GADL1: variants seen among roughly 807,000 people sequenced by gnomAD.
GADL1 encodes GAD like acidic amino acid decarboxylase 1.
In GADL1, 71 loss-of-function variants were observed where a neutral mutation model predicts 69.5. The ratio of observed to expected loss-of-function variants is 1.02; its 90% CI spans 0.84 to 1.25. The LOEUF (loss-of-function observed/expected upper bound fraction) is 1.25, where lower values mean the gene tolerates loss of function less well. Among genes scored for constraint, GADL1 ranks in the 50% most tolerant of loss-of-function variants. The pLI is 0.00. For missense variants in GADL1, 737 were observed against 631.8 expected (o/e 1.17, Z -1.79); for synonymous variants, 254 against 214.4 (o/e 1.18, Z -1.62).
At chr3:30,857,341 G>A (rs1238085930) in intron 2 of GADL1, among the ~76,000 whole-genome samples, 200 bp from the exon 3 acceptor site, 1 of 151,964 alleles carries the variant, frequency 6.6e-6, no homozygotes, top group East Asian at 1.9e-4. Context: ...AGATTTGCAA[G>A]GTAAAGGGAG....
chr3:30,839,164 G>T (rs746836424), intron 8 of GADL1, 51 bp from the exon 9 acceptor site: 1 of 1,213,198 alleles, frequency 8.2e-7, no homozygotes, highest in Non-Finnish European at 1.1e-6. Flanking sequence ...CACTAAATTT[G>T]TCCTGTAATA....
chr3:30,852,965 C>T (rs958610063), intron 4 of GADL1, among the ~76,000 whole-genome samples: 4 of 152,116 alleles, frequency 2.6e-5, no homozygotes, highest in Non-Finnish European at 5.9e-5. Context: ...TCAAAACCTC[C>T]CTAAAGTTGC....
At chr3:30,752,378 C>T (rs1273671609) in intron 14 of GADL1, among the ~76,000 whole-genome samples, 2 of 151,760 alleles carry the variant, frequency 1.3e-5, no homozygotes, top group Non-Finnish European at 2.9e-5. Context: ...AAGTGGTGCA[C>T]CTTGCATGGA....
chr3:30,743,992 G>C (rs1170387814), intron 14 of GADL1, among the ~76,000 whole-genome samples: 1 of 152,170 alleles, frequency 6.6e-6, no homozygotes, highest in Non-Finnish European at 1.5e-5. Flanking sequence ...GAGCAGAGCT[G>C]TGACTGACCC....
chr3:30,783,648 AAAG>A (rs140359959), intron 13 of GADL1, among the ~76,000 whole-genome samples: 55,174 of 151,904 alleles, frequency 0.36, 12,293 homozygotes, highest in Non-Finnish European at 0.49. Flanking sequence ...AGTGTAATAA[AAAG>A]AAAAGCGGCA....
chr3:30,818,243 T>G (rs1315682408), intron 11 of GADL1, among the ~76,000 whole-genome samples: 1 of 152,220 alleles, frequency 6.6e-6, no homozygotes, highest in Non-Finnish European at 1.5e-5. Context: ...TGGGCAGAGA[T>G]GTAAACATTA....
chr3:30,869,378 G>T (rs1267337804), intron 1 of GADL1, among the ~76,000 whole-genome samples: 3 of 151,730 alleles, frequency 2.0e-5, no homozygotes, highest in African/African-American at 7.3e-5. Flanking sequence ...AACCTACAAA[G>T]AAGATGACTA....
intron 11 of GADL1, among the ~76,000 whole-genome samples, chr3:30,815,302 A>AGGC (rs780081402): frequency 2.0e-5 from 3 of 152,186 alleles, no homozygotes; most frequent in Non-Finnish European, 2.9e-5. Flanking sequence ...ACAAAAAGGA[A>AGGC]GGCAGGGAGG....
chr3:30,836,849 T>C (rs1178254962), intron 9 of GADL1, among the ~76,000 whole-genome samples: 1 of 152,094 alleles, frequency 6.6e-6, no homozygotes, highest in East Asian at 1.9e-4. Flanking sequence ...GAAACTAGCA[T>C]AACAATTGCC....
At chr3:30,740,942 A>G (rs1695608463) in intron 14 of GADL1, among the ~76,000 whole-genome samples, 1 of 140,830 alleles carries the variant, frequency 7.1e-6, no homozygotes, top group Non-Finnish European at 1.5e-5. Context: ...ATTATATTTG[A>G]TATATCAAAT....
At chr3:30,833,177 G>A (rs1309940166) in intron 11 of GADL1, among the ~76,000 whole-genome samples, 1 of 151,984 alleles carries the variant, frequency 6.6e-6, no homozygotes, top group Non-Finnish European at 1.5e-5. Context: ...GAATGAAGTA[G>A]CACTTCCCAG....
At chr3:30,834,390 A>G in intron 9 of GADL1, 109 bp from the exon 10 acceptor site, 1 of 850,418 alleles carries the variant, frequency 1.2e-6, no homozygotes, top group Non-Finnish European at 1.9e-6. Context: ...ATTATTTGAT[A>G]TTTTATGTCA....
At chr3:30,837,087 G>A (rs1697887095) in intron 9 of GADL1, among the ~76,000 whole-genome samples, 2 of 152,022 alleles carry the variant, frequency 1.3e-5, no homozygotes, top group Admixed American at 1.3e-4. Context: ...TGGTATGTAT[G>A]CAGAGCAGCA....
At chr3:30,773,312 G>A (rs116230941) in intron 14 of GADL1, among the ~76,000 whole-genome samples, 1,564 of 152,132 alleles carry the variant, frequency 0.01, 18 homozygotes, top group Non-Finnish European at 0.014. Flanking sequence ...GGGAATACAT[G>A]GTTAAAACCT....
chr3:30,826,470 G>A (rs991634031), intron 11 of GADL1, among the ~76,000 whole-genome samples: 3 of 151,782 alleles, frequency 2.0e-5, no homozygotes, highest in Non-Finnish European at 4.4e-5. Context: ...TGCACAAATA[G>A]GCAGAAAATA....
intron 11 of GADL1, among the ~76,000 whole-genome samples, chr3:30,821,912 C>T (rs919284577): frequency 6.6e-6 from 1 of 151,892 alleles, no homozygotes; most frequent in Admixed American, 6.6e-5. Context: ...GTCTTCTGAC[C>T]CTTAATTAAA....
chr3:30,848,783 C>T (rs1026782789), intron 6 of GADL1, among the ~76,000 whole-genome samples: 1 of 152,170 alleles, frequency 6.6e-6, no homozygotes, highest in Admixed American at 6.6e-5. Context: ...TCTATTATAT[C>T]CCAGATGACA....
intron 11 of GADL1, among the ~76,000 whole-genome samples, chr3:30,826,670 T>G (rs1029733396): frequency 2.6e-5 from 4 of 151,872 alleles, no homozygotes; most frequent in African/African-American, 9.7e-5. Flanking sequence ...ACTGGCAGAT[T>G]GTGAATGTCA....
chr3:30,777,145 T>C (rs1349091547), intron 14 of GADL1, among the ~76,000 whole-genome samples: 1 of 152,170 alleles, frequency 6.6e-6, no homozygotes, highest in African/African-American at 2.4e-5. Context: ...TTCCAGTGCA[T>C]AGTATAGTGG....
Sources: allele counts gnomAD v4.1 joint callset (sites outside exome capture counted in the v4.1 genomes callset), GRCh38; gene constraint gnomAD v4.1.1; transcripts MANE v1.5; gene names NCBI Gene and HGNC (gene_info 2026-07-23, HGNC 2026-07-21).